FAT3: variants seen among roughly 807,000 people sequenced by gnomAD.
The protein encoded by FAT3 is protocadherin Fat 3.
In FAT3, 95 loss-of-function variants were observed where a neutral mutation model predicts 310.2. The observed-to-expected ratio is 0.31, with a 90% CI of 0.26 to 0.36. FAT3 has a LOEUF of 0.36. FAT3 is among the 10% of genes least tolerant of loss of function. FAT3 has a pLI of 1.00. For synonymous variants in FAT3, 2,314 were observed against 2,192.9 expected, an observed-to-expected ratio of 1.06 and a Z score of -1.54; for missense variants, 5,408 against 5,715.6, an observed-to-expected ratio of 0.95 and a Z score of 1.74.
In FAT3 at chr11:92,867,232, C is replaced by T. The variant is rs376007716; in HGVS notation, c.12127+23C>T. The stretch of plus-strand genomic sequence containing the variant: ...GGGGTGAGTGTGGCTACGCAGTGGG[C>T]ACTGGCCTGGGGGTTTGAGGGGAGA... On this transcript the variant is annotated intron_variant, in intron 22 of 27. Transcript: ENST00000525166. 522 of 1,531,790 alleles carry T rather than the reference C, an allele frequency of 3.4e-4. 1 individual carries two copies. In the African/African-American group the frequency reaches 6.7e-3, roughly 20 times the overall value. 94.9% of individuals were successfully genotyped at this position (1,531,790 alleles called of 1,614,324 possible).
chr11:92,275,953 C>T (rs543070323), intron 1 of FAT3, among the ~76,000 whole-genome samples: 2 of 35,190 alleles, frequency 5.7e-5, no homozygotes, highest in South Asian at 6.3e-4. Flanking sequence ...TAGTTGATCA[C>T]GTTTATGTGT....
At chr11:92,588,221 C>A (rs557274) in intron 3 of FAT3, among the ~76,000 whole-genome samples, 32,456 of 151,538 alleles carry the variant, frequency 0.21, 4,091 homozygotes, top group African/African-American at 0.36. Flanking sequence ...TTTTTTTAGA[C>A]CAACAGTGTT....
Position 92,305,788 on chromosome 11 carries a change from C to A in FAT3, c.-17-46308C>A, listed in dbSNP as rs115711725. ...ATGTCAAGGTCACGGAAGACAAAGACAGACTAAGGAAATGTCCCGGATTGG... is the reference window on the plus strand; with the variant it reads ...ATGTCAAGGTCACGGAAGACAAAGAAAGACTAAGGAAATGTCCCGGATTGG... On this transcript the variant is annotated intron_variant, in intron 1 of 27. Coordinates refer to ENST00000525166, the MANE Select transcript of FAT3 (RefSeq NM_001367949.2). Among the ~76,000 whole-genome samples the A allele has an allele frequency of 8.8e-3, 1,332 of 152,150 alleles. 19 individuals are homozygous for A. Among genetic ancestry groups the A allele is most frequent in the African/African-American group, 0.03 (1,252 of 41,522 alleles).
chr11:92,454,468 C>T (rs1951447027), intron 2 of FAT3, among the ~76,000 whole-genome samples: 1 of 152,138 alleles, frequency 6.6e-6, no homozygotes, highest in Non-Finnish European at 1.5e-5. Flanking sequence ...TATAGGAACT[C>T]AACATTTATA....
At position 92,798,478 on chromosome 11, in the gene FAT3, A is replaced by C. The variant is rs747070509; in HGVS notation, c.5465A>C (p.Lys1822Thr). The C allele has an allele frequency of 1.2e-6, 2 of 1,613,726 alleles. No individual in the cohort carries two copies. The highest frequency in any genetic ancestry group is 2.2e-5 in the East Asian group (1 of 44,788). ...VYQIVESTAK[K>T]FFTVDSSTGA... ...CAGATTGTGGAGTCAACAGCAAAAA[A>C]GTTTTTCACGGTGGACTCCAGTACA... The change falls in exon 10 of 28, where the codon AAG (lysine) becomes ACG (threonine). Residue 1822 changes from lysine (K) to threonine (T), a missense_variant. Lys to Thr is a moderately conservative substitution (Grantham distance 78). Around this residue, in one of 5 missense-constraint regions of FAT3, gnomAD observed 4,588 missense variants for 4,809.8 expected, o/e 0.95. Coordinates refer to ENST00000525166, the MANE Select transcript of FAT3 (RefSeq NM_001367949.2).
intron 1 of FAT3, among the ~76,000 whole-genome samples, chr11:92,341,910 T>G (rs1948273827): frequency 6.6e-6 from 1 of 152,226 alleles, no homozygotes; most frequent in Admixed American, 6.5e-5. Flanking sequence ...AAGCCAGATA[T>G]AGCTAATATT....
intron 4 of FAT3, among the ~76,000 whole-genome samples, chr11:92,731,846 C>A (rs1945192313): frequency 6.6e-6 from 1 of 152,244 alleles, no homozygotes; most frequent in African/African-American, 2.4e-5. Context: ...AAGGGAGGTG[C>A]TTTAGTCTCC....
At chr11:92,866,640 C>T (rs941681251) in intron 21 of FAT3, 101 bp from the exon 22 acceptor site, 2 of 1,049,850 alleles carry the variant, frequency 1.9e-6, no homozygotes, top group Admixed American at 5.4e-5. Flanking sequence ...GTCCACATTC[C>T]AGCTTTCTTG....
chr11:92,289,759 T>C (rs1194883369), intron 1 of FAT3, among the ~76,000 whole-genome samples: 1 of 152,052 alleles, frequency 6.6e-6, no homozygotes, highest in African/African-American at 2.4e-5. Context: ...CCATTATCTG[T>C]CTGTAGGATT....
intron 7 of FAT3, among the ~76,000 whole-genome samples, 187 bp from the exon 8 acceptor site, chr11:92,789,756 A>G (rs149126645): frequency 1.0e-3 from 157 of 152,272 alleles, no homozygotes; most frequent in African/African-American, 3.1e-3. Context: ...GCTAATATAA[A>G]CTACTGGTTT....
chr11:92,270,334 C>T (rs1312690244), intron 1 of FAT3, among the ~76,000 whole-genome samples: 2 of 151,924 alleles, frequency 1.3e-5, no homozygotes, highest in African/African-American at 4.8e-5. Context: ...TCCTTTTTGT[C>T]AACATTGTTC....
At chr11:92,652,047 G>A (rs1942398476) in intron 3 of FAT3, among the ~76,000 whole-genome samples, 1 of 152,190 alleles carries the variant, frequency 6.6e-6, no homozygotes, top group Non-Finnish European at 1.5e-5. Context: ...AGCTGACAGT[G>A]TGGAACACAT....
intron 2 of FAT3, among the ~76,000 whole-genome samples, chr11:92,464,676 G>A (rs900957770): frequency 2.6e-5 from 4 of 152,146 alleles, no homozygotes; most frequent in Non-Finnish European, 5.9e-5. Context: ...TGATAACTGT[G>A]GAAGAACATT....
intron 25 of FAT3, 96 bp from the exon 26 acceptor site, chr11:92,889,093 C>CTGT (rs375247936): frequency 6.5e-5 from 39 of 602,164 alleles, no homozygotes; most frequent in Non-Finnish European, 9.7e-5. Flanking sequence ...TTCATTGTTG[C>CTGT]TGTTGTTGTT....
chr11:92,635,257 C>T (rs1266428660), intron 3 of FAT3, among the ~76,000 whole-genome samples: 2 of 151,992 alleles, frequency 1.3e-5, no homozygotes, highest in African/African-American at 4.8e-5. Flanking sequence ...TTTTATCACT[C>T]TGACCTACTC....
At chr11:92,764,146 G>T (rs1229704289) in intron 5 of FAT3, among the ~76,000 whole-genome samples, 1 of 152,036 alleles carries the variant, frequency 6.6e-6, no homozygotes, top group Non-Finnish European at 1.5e-5. Context: ...AGGGAGACTT[G>T]CTTCCTCAGC....
At position 92,305,760 on chromosome 11, in the gene FAT3, C is replaced by T. The variant is rs1947101528; in HGVS notation, c.-17-46336C>T. On this transcript the variant is annotated intron_variant, in intron 1 of 27. Coordinates refer to ENST00000525166, the MANE Select transcript of FAT3 (RefSeq NM_001367949.2). Reference sequence around the variant, plus strand: ...TGCAAAATTGCCAGCTAATACTCTTCAAATGTCAAGGTCACGGAAGACAAA... The same window carrying T: ...TGCAAAATTGCCAGCTAATACTCTTTAAATGTCAAGGTCACGGAAGACAAA... Among the ~76,000 whole-genome samples the T allele has an allele frequency of 3.9e-5, 6 of 152,064 alleles. No individual in the cohort carries two copies. The South Asian group carries it at 1.2e-3, about 32-fold the overall frequency.
chr11:92,563,461 A>T (rs1955306772), intron 3 of FAT3, among the ~76,000 whole-genome samples: 1 of 152,192 alleles, frequency 6.6e-6, no homozygotes, highest in Non-Finnish European at 1.5e-5. Context: ...CTACCAGGTT[A>T]TTCAAATATA....
At chr11:92,279,219 T>C (rs1053082439) in intron 1 of FAT3, among the ~76,000 whole-genome samples, 1 of 152,160 alleles carries the variant, frequency 6.6e-6, no homozygotes, top group Non-Finnish European at 1.5e-5. Flanking sequence ...GCTCAGCTGC[T>C]TCTGTCCATG....
Sources: gnomAD v4.1 joint callset for allele counts (sites outside exome capture counted in the v4.1 genomes callset) on GRCh38, gnomAD v4.1.1 for gene constraint, gnomAD v4.1.1 regional missense constraint, MANE v1.5 for transcripts, NCBI Gene and HGNC (gene_info 2026-07-23, HGNC 2026-07-21) for gene names.